Variants in DLG2 observed in about 807,000 individuals in gnomAD.
The protein encoded by DLG2 is discs large MAGUK scaffold protein 2.
A neutral mutation model predicts 132.5 loss-of-function variants in DLG2; 45 were observed. The observed-to-expected ratio is 0.34, with a 90% CI of 0.27 to 0.44. DLG2 has a LOEUF of 0.44. Ranked by LOEUF, DLG2 falls within the 20% of genes least tolerant of loss-of-function variation. The pLI is 1.00. For missense variants in DLG2, 1,045 were observed against 1,196.9 expected (o/e 0.87, Z 1.87); for synonymous variants, 424 against 419.6 (o/e 1.01, Z -0.13).
At chr11:84,913,711 AG>A (rs1410302897) in intron 6 of DLG2, among the ~76,000 whole-genome samples, 2 of 152,234 alleles carry the variant, frequency 1.3e-5, no homozygotes, top group African/African-American at 4.8e-5. Flanking sequence ...AAGGATATGA[AG>A]AAGTATACAT....
At chr11:83,873,874 C>A (rs1227865639) in intron 16 of DLG2, among the ~76,000 whole-genome samples, 1 of 152,162 alleles carries the variant, frequency 6.6e-6, no homozygotes, top group Non-Finnish European at 1.5e-5. Context: ...AGGTATCCCT[C>A]CTGGATTCTC....
intron 6 of DLG2, among the ~76,000 whole-genome samples, chr11:84,808,466 G>A (rs985332572): frequency 6.6e-6 from 1 of 151,388 alleles, no homozygotes; most frequent in East Asian, 1.9e-4. Context: ...AAATAACAAA[G>A]AGCAGAAACA....
intron 7 of DLG2, among the ~76,000 whole-genome samples, chr11:84,355,100 A>G (rs992035201): frequency 6.6e-6 from 1 of 152,060 alleles, no homozygotes; most frequent in African/African-American, 2.4e-5. Context: ...AGAAAATAGG[A>G]TCATATAAGA....
chr11:84,047,358 A>G (rs1344687929), intron 11 of DLG2, among the ~76,000 whole-genome samples: 1 of 151,672 alleles, frequency 6.6e-6, no homozygotes, highest in Non-Finnish European at 1.5e-5. Context: ...TACATACCCA[A>G]TATCTCTAAT....
At chr11:84,889,531 C>G (rs2088952641) in intron 6 of DLG2, among the ~76,000 whole-genome samples, 1 of 152,102 alleles carries the variant, frequency 6.6e-6, no homozygotes, top group African/African-American at 2.4e-5. Flanking sequence ...AGACAAGGAA[C>G]TGTCTGAAGG....
intron 11 of DLG2, among the ~76,000 whole-genome samples, chr11:84,006,756 C>T (rs2154056443): frequency 6.6e-6 from 1 of 151,534 alleles, no homozygotes; most frequent in South Asian, 2.1e-4. Context: ...CTCAAATTTG[C>T]CTTTTTTCTT....
At chr11:83,782,525 A>G (rs1463185033) in intron 18 of DLG2, among the ~76,000 whole-genome samples, 1 of 152,202 alleles carries the variant, frequency 6.6e-6, no homozygotes, top group African/African-American at 2.4e-5. Flanking sequence ...ATGCTGACTA[A>G]GCAGATTAAA....
At chr11:85,485,162 T>G (rs1354539262) in intron 3 of DLG2, among the ~76,000 whole-genome samples, 7 of 148,756 alleles carry the variant, frequency 4.7e-5, no homozygotes, top group African/African-American at 1.3e-4. Flanking sequence ...TGAGAACACA[T>G]GGACACAGGA....
At position 84,297,139 on chromosome 11, in the gene DLG2, A is replaced by AC. The variant is rs35007837; in HGVS notation, c.520-45849_520-45848insG. Among the ~76,000 whole-genome samples, 485 of 152,102 alleles carry AC rather than the reference A, an allele frequency of 3.2e-3. 12 individuals carry two copies. The highest frequency in any genetic ancestry group is 0.03 in the Admixed American group (451 of 15,260). The stretch of plus-strand genomic sequence containing the variant: ...TAACCTCAAAGAATTTGAAAAAAAA[A>AC]AAACACCTAGACGAGCATGATTGAT... On this transcript the variant is annotated intron_variant, in intron 7 of 27. Transcript: ENST00000376104.
chr11:84,937,940 G>C (rs956999420), intron 6 of DLG2, among the ~76,000 whole-genome samples: 1 of 152,124 alleles, frequency 6.6e-6, no homozygotes, highest in Admixed American at 6.5e-5. Flanking sequence ...GAGCATCTGA[G>C]AAAACTCTGG....
chr11:84,899,619 T>C (rs2090634559), intron 6 of DLG2, among the ~76,000 whole-genome samples: 1 of 152,072 alleles, frequency 6.6e-6, no homozygotes, highest in Non-Finnish European at 1.5e-5. Flanking sequence ...TAAACCATTA[T>C]ATTACATAAA....
chr11:85,507,723 C>G (rs1459222238), intron 3 of DLG2, among the ~76,000 whole-genome samples: 1 of 152,040 alleles, frequency 6.6e-6, no homozygotes, highest in Non-Finnish European at 1.5e-5. Context: ...TTGTGGTGTT[C>G]TCTGTATTTC....
intron 5 of DLG2, among the ~76,000 whole-genome samples, chr11:85,112,668 G>A (rs1214890257): frequency 6.6e-6 from 1 of 152,072 alleles, no homozygotes; most frequent in Non-Finnish European, 1.5e-5. Context: ...ATAAACATAA[G>A]TAGGAGTATT....
At chr11:83,621,626 G>A (rs562824802) in intron 19 of DLG2, among the ~76,000 whole-genome samples, 1 of 152,080 alleles carries the variant, frequency 6.6e-6, no homozygotes, top group South Asian at 2.1e-4. Context: ...ATGGCTGGAA[G>A]AAAATGTTTC....
In DLG2 at chr11:83,650,008, A is replaced by T. The variant is rs140131259; in HGVS notation, c.1826-16683T>A. 7.0e-3 allele frequency among the ~76,000 whole-genome samples: 1,064 copies of T among 152,316 alleles called. 8 individuals are homozygous for T. Among genetic ancestry groups the T allele is most frequent in the Middle Eastern group, 0.02 (6 of 294 alleles). The stretch of plus-strand genomic sequence containing the variant: ...GCTAGAGAATACATTATTTGCCCCT[A>T]GTTATCCTGATGTTATAAAAGGAGG... On this transcript the variant is annotated intron_variant, in intron 18 of 27. Coordinates refer to ENST00000376104, the MANE Select transcript of DLG2 (RefSeq NM_001142699.3).
chr11:84,392,479 G>T (rs544178528), intron 7 of DLG2, among the ~76,000 whole-genome samples: 215 of 152,274 alleles, frequency 1.4e-3, no homozygotes, highest in Non-Finnish European at 2.6e-3. Context: ...TTGTCTTGTA[G>T]GTTGGCCATA....
chr11:84,917,877 C>T (rs1028908455), intron 6 of DLG2, among the ~76,000 whole-genome samples: 2 of 152,118 alleles, frequency 1.3e-5, no homozygotes, highest in Non-Finnish European at 2.9e-5. Flanking sequence ...GGAACTAATA[C>T]GTTATAGGTA....
intron 7 of DLG2, among the ~76,000 whole-genome samples, chr11:84,350,159 CAGAG>C (rs1305565119): frequency 1.5e-4 from 19 of 130,244 alleles, no homozygotes; most frequent in Non-Finnish European, 4.7e-5. Context: ...GCCTGGGCGA[CAGAG>C]AGAGACTTCG....
At chr11:84,910,762 A>C (rs72953493) in intron 6 of DLG2, among the ~76,000 whole-genome samples, 105 of 141,410 alleles carry the variant, frequency 7.4e-4, no homozygotes, top group East Asian at 4.3e-3. Flanking sequence ...AAGGAAGAAA[A>C]AACAACAACA....
Sources: allele counts gnomAD v4.1 joint callset (sites outside exome capture counted in the v4.1 genomes callset), GRCh38; gene constraint gnomAD v4.1.1; transcripts MANE v1.5; gene names NCBI Gene and HGNC (gene_info 2026-07-23, HGNC 2026-07-21).